The following RAB23 variants were observed in gnomAD, a reference collection of about 807,000 sequenced individuals.
The protein encoded by RAB23 is RAB23, member RAS oncogene family, also known as ras-related protein Rab-23.
Under a neutral mutation model 30.0 loss-of-function variants are expected in RAB23, and 15 were observed. The ratio of observed to expected loss-of-function variants is 0.50; its 90% CI spans 0.33 to 0.77. The LOEUF (loss-of-function observed/expected upper bound fraction) is 0.77, where lower values mean the gene tolerates loss of function less well. Among genes scored for constraint, RAB23 ranks in the 30% least tolerant of loss-of-function variants. The pLI is 0.02. For synonymous variants in RAB23, 93 were observed against 94.0 expected (o/e 0.99, Z 0.06); for missense variants, 243 against 275.4 (o/e 0.88, Z 0.83).
chr6:57,210,327 T>C lies in RAB23; in HGVS notation c.54A>G (p.Gly18=), dbSNP rs767442221. 8.2e-5 allele frequency: 133 copies of C among 1,613,862 alleles called. No individual in the cohort carries two copies. Among genetic ancestry groups the C allele is most frequent in the Non-Finnish European group, 1.1e-4 (130 of 1,179,874 alleles). Residue 18 remains glycine, a synonymous_variant, in exon 2 of 7, where the codon GGA becomes GGG. Coordinates refer to ENST00000468148, the MANE Select transcript of RAB23 (RefSeq NM_016277.5). ...GAATCATACTTGATTTTCCAACTGC[T>C]CCATTCCCTACAACCACCATCTTTA... is the stretch of plus-strand genomic sequence containing the variant. ...VAIKMVVVGN[G]AVGKSSMIQR... is the part of the protein sequence containing the mutation.
At chr6:57,211,685 C>T (rs147376960) in intron 1 of RAB23, among the ~76,000 whole-genome samples, 2 of 152,258 alleles carry the variant, frequency 1.3e-5, no homozygotes, top group East Asian at 3.9e-4. Flanking sequence ...GAATCCTGTA[C>T]AAATAAATAT....
intron 1 of RAB23, among the ~76,000 whole-genome samples, chr6:57,214,181 T>G (rs1255703024): frequency 4.6e-5 from 7 of 152,142 alleles, no homozygotes. Flanking sequence ...TTACACTATC[T>G]CTCACAGGTA....
chr6:57,209,243 A>G (rs1043060053), intron 2 of RAB23, among the ~76,000 whole-genome samples: 2 of 152,214 alleles, frequency 1.3e-5, no homozygotes, highest in Admixed American at 6.5e-5. Context: ...GCTGCTCTAT[A>G]TATGTCCACA....
chr6:57,199,503 T>C (rs1765157076), intron 3 of RAB23, among the ~76,000 whole-genome samples: 1 of 152,162 alleles, frequency 6.6e-6, no homozygotes, highest in South Asian at 2.1e-4. Context: ...AGACAGTAAA[T>C]GCCTTAAGTT....
chr6:57,205,109 CTG>C (rs1481099144), intron 3 of RAB23, among the ~76,000 whole-genome samples: 15 of 149,082 alleles, frequency 1.0e-4, no homozygotes, highest in South Asian at 4.2e-4. Context: ...TATATATACA[CTG>C]TGTGTATATA....
At chr6:57,210,081 A>C (rs967210870) in intron 2 of RAB23, 145 bp downstream of exon 2, 1 of 822,898 alleles carries the variant, frequency 1.2e-6, no homozygotes, top group Non-Finnish European at 2.0e-6. Context: ...TACATATGTC[A>C]TGAAAACCAC....
intron 1 of RAB23, among the ~76,000 whole-genome samples, chr6:57,214,275 GTCA>G (rs1308319889): frequency 6.6e-6 from 1 of 152,146 alleles, no homozygotes; most frequent in Non-Finnish European, 1.5e-5. Flanking sequence ...CCAGTAGAGA[GTCA>G]TCATGACCAG....
At chr6:57,214,958 AAG>A (rs1182166298) in intron 1 of RAB23, among the ~76,000 whole-genome samples, 2 of 152,246 alleles carry the variant, frequency 1.3e-5, no homozygotes, top group African/African-American at 4.8e-5. Context: ...GTAAAAAATA[AAG>A]AGTCTCAAAA....
At chr6:57,211,503 A>G (rs1765651878) in intron 1 of RAB23, among the ~76,000 whole-genome samples, 1 of 152,120 alleles carries the variant, frequency 6.6e-6, no homozygotes, top group Non-Finnish European at 1.5e-5. Flanking sequence ...TAAATCCTCC[A>G]TAGTGTATCA....
chr6:57,198,115 A>G (rs1324346284), intron 3 of RAB23, among the ~76,000 whole-genome samples: 2 of 152,164 alleles, frequency 1.3e-5, no homozygotes, highest in Admixed American at 6.5e-5. Flanking sequence ...TGAATAATGC[A>G]AAATACAGAA....
rs951237754 is a variant in RAB23, at chr6:57,205,663, G to A, written c.241+1965C>T. On this transcript the variant is annotated intron_variant, in intron 3 of 6. Coordinates refer to ENST00000468148, the MANE Select transcript of RAB23 (RefSeq NM_016277.5). ...TAAACCTGAAGGCAAAAGGTCAAGAGAGACAAGAAAGCATTCCAGGCATAG... is the reference window on the plus strand; with the variant it reads ...TAAACCTGAAGGCAAAAGGTCAAGAAAGACAAGAAAGCATTCCAGGCATAG... 3.9e-5 allele frequency among the ~76,000 whole-genome samples: 6 copies of A among 152,236 alleles called. No individual in the cohort carries two copies. The East Asian group carries it at 1.2e-3, about 29-fold the overall frequency.
At chr6:57,200,536 C>CAAAAAA (rs989178921) in intron 3 of RAB23, among the ~76,000 whole-genome samples, 2 of 42,638 alleles carry the variant, frequency 4.7e-5, no homozygotes, top group Non-Finnish European at 4.9e-5. Flanking sequence ...GACTCTGTCT[C>CAAAAAA]AAAAAAAAAA....
intron 3 of RAB23, 97 bp from the exon 4 acceptor site, chr6:57,196,703 C>T (rs1267120177): frequency 1.4e-6 from 2 of 1,479,648 alleles, no homozygotes; most frequent in African/African-American, 2.8e-5. Context: ...ATGGGGGCAA[C>T]TTTTATCCAT....
At position 57,187,203 on chromosome 6, in the gene RAB23, T is replaced by C. The variant is rs1764634735; in HGVS notation, c.*3258A>G. On this transcript the variant is annotated 3_prime_UTR_variant, in exon 7 of 7. Transcript: ENST00000468148. Reference sequence around the variant, plus strand: ...TTTCCTTTTATCCCCAATTTTTTGCTTTTAAAAGACCATTTACTAACATCC... The same window carrying C: ...TTTCCTTTTATCCCCAATTTTTTGCCTTTAAAAGACCATTTACTAACATCC... The C allele has an allele frequency of 6.6e-6, 1 of 152,184 alleles. No homozygotes were observed. Among genetic ancestry groups the C allele is most frequent in the Non-Finnish European group, 1.5e-5 (1 of 68,032 alleles). The allele number at this position is 152,184 out of a possible 1,614,324, so 9.4% of individuals were successfully genotyped here.
At chr6:57,217,285 G>A (rs1481766613) in intron 1 of RAB23, among the ~76,000 whole-genome samples, 2 of 151,126 alleles carry the variant, frequency 1.3e-5, no homozygotes, top group Non-Finnish European at 2.9e-5. Context: ...AGCTAAATTA[G>A]TGCTGAAATG....
rs1764695706 is a variant in RAB23, at chr6:57,188,426, ACT to A, written c.*2033_*2034del. 2 of 152,228 alleles carry A rather than the reference ACT, an allele frequency of 1.3e-5. No homozygotes were observed. The highest frequency in any genetic ancestry group is 4.1e-4 in the South Asian group (2 of 4,830). 9.4% of individuals were successfully genotyped at this position (152,228 alleles called of 1,614,324 possible). ...GGAACTGTAACTATCCTCAGAGATT[ACT>A]TTTTTTAAATATAGAAAGGTAACAC... is the stretch of plus-strand genomic sequence containing the variant. On this transcript the variant is annotated 3_prime_UTR_variant, in exon 7 of 7. Coordinates refer to ENST00000468148, the MANE Select transcript of RAB23 (RefSeq NM_016277.5).
intron 2 of RAB23, among the ~76,000 whole-genome samples, chr6:57,208,626 C>CAAAAAAAAAAAAAAAAAA (rs1168854982): frequency 2.1e-5 from 1 of 46,918 alleles, no homozygotes; most frequent in Non-Finnish European, 4.0e-5. Flanking sequence ...GACTCTGTCT[C>CAAAAAAAAAAAAAAAAAA]AAAAAAAAAA....
At chr6:57,198,594 T>G (rs973888157) in intron 3 of RAB23, among the ~76,000 whole-genome samples, 9 of 152,022 alleles carry the variant, frequency 5.9e-5, no homozygotes, top group Non-Finnish European at 1.0e-4. Context: ...GGTGGGAGGA[T>G]TGCTTGAGCC....
Position 57,190,446 on chromosome 6 carries a change from T to C in RAB23, c.*15A>G. 1 of 1,613,764 alleles carries C rather than the reference T, an allele frequency of 6.2e-7. No homozygotes were observed. Among genetic ancestry groups the C allele is most frequent in the Non-Finnish European group, 8.5e-7 (1 of 1,179,682 alleles). Reference sequence around the variant, plus strand: ...ATTGCACAATGTAATTCAATTGTTTTCCTCCCAAAACATCTTAGGGTATGC... The same window carrying C: ...ATTGCACAATGTAATTCAATTGTTTCCCTCCCAAAACATCTTAGGGTATGC... On this transcript the variant is annotated 3_prime_UTR_variant, in exon 7 of 7. Coordinates refer to ENST00000468148, the MANE Select transcript of RAB23 (RefSeq NM_016277.5).
Sources: gnomAD v4.1 joint callset for allele counts (sites outside exome capture counted in the v4.1 genomes callset) on GRCh38, gnomAD v4.1.1 for gene constraint, MANE v1.5 for transcripts, NCBI Gene and HGNC (gene_info 2026-07-23, HGNC 2026-07-21) for gene names.